The following DISC1 variants were observed in gnomAD, a reference collection of about 807,000 sequenced individuals.
DISC1 encodes the protein DISC1 scaffold protein.
DISC1 carries 57 observed loss-of-function variants against 84.5 expected under a neutral mutation model. The ratio of observed to expected loss-of-function variants is 0.67; its 90% CI spans 0.55 to 0.84. The LOEUF is 0.84. DISC1 is among the 40% of genes least tolerant of loss of function. DISC1 has a pLI of 0.00. For missense variants in DISC1, 1,000 were observed against 1,057.8 expected (o/e 0.95, Z 0.76); for synonymous variants, 411 against 415.2 (o/e 0.99, Z 0.12).
At chr1:232,027,892 A>G (rs916971396) in intron 12 of DISC1, among the ~76,000 whole-genome samples, 2 of 151,632 alleles carry the variant, frequency 1.3e-5, no homozygotes, top group Admixed American at 6.6e-5. Context: ...CTGTGATTTA[A>G]TGATAGAGCC....
rs1659079647 is a variant in DISC1 at position 231,954,570 on chromosome 1, T to C, written c.1982-4258T>C. ...CAGTCCTCTGGTCTTGTTTGTTTCG[T>C]AGCATTTCATTTTGTATTCAGCATT... On this transcript the variant is annotated intron_variant, in intron 9 of 12. Coordinates refer to ENST00000439617, the MANE Select transcript of DISC1 (RefSeq NM_018662.3). This position sits in a 1 kb window ranked among gnomAD's most constrained non-coding sequence, Gnocchi z 4.8. Among the ~76,000 whole-genome samples the C allele has an allele frequency of 1.3e-5, 2 of 152,206 alleles. No individual in the cohort carries two copies. The highest frequency in any genetic ancestry group is 4.8e-5 in the African/African-American group (2 of 41,464).
chr1:231,982,740 GA>G (rs145680002), intron 10 of DISC1, among the ~76,000 whole-genome samples: 2,395 of 152,128 alleles, frequency 0.016, 46 homozygotes, highest in African/African-American at 0.054. Flanking sequence ...ATTGCAGGCA[GA>G]AAAAAACAAA....
At chr1:231,823,652 T>G (rs1382614237) in intron 9 of DISC1, among the ~76,000 whole-genome samples, 1 of 152,196 alleles carries the variant, frequency 6.6e-6, no homozygotes, top group Admixed American at 6.5e-5. Context: ...TTTTACAACT[T>G]TTTATTTTAG....
intron 2 of DISC1, among the ~76,000 whole-genome samples, chr1:231,695,643 G>A (rs553296761): frequency 5.3e-5 from 8 of 151,522 alleles, no homozygotes; most frequent in South Asian, 2.1e-4. Context: ...GTGTGTGCAT[G>A]TTTGTGCTGT....
intron 9 of DISC1, among the ~76,000 whole-genome samples, chr1:231,886,766 C>CTTTCTTTCTTT (rs2086723179): frequency 2.6e-4 from 22 of 84,428 alleles, no homozygotes; most frequent in South Asian, 9.7e-4. Context: ...TTCCTTCCTT[C>CTTTCTTTCTTT]CTTTCTTTCT....
At chr1:231,777,860 T>C (rs1446497576) in intron 6 of DISC1, among the ~76,000 whole-genome samples, 1 of 152,240 alleles carries the variant, frequency 6.6e-6, no homozygotes, top group Admixed American at 6.5e-5. Flanking sequence ...TATGCCCATT[T>C]TGCAGATGAG....
At chr1:231,881,329 C>T (rs980232292) in intron 9 of DISC1, among the ~76,000 whole-genome samples, 7 of 152,160 alleles carry the variant, frequency 4.6e-5, no homozygotes, top group Non-Finnish European at 8.8e-5. Context: ...GAGACCAAGG[C>T]GATGGCAAGA....
In DISC1 at chr1:231,653,611, A is replaced by G. The variant is rs76688353; in HGVS notation, c.67+26677A>G. 3.0e-3 allele frequency among the ~76,000 whole-genome samples: 456 copies of G among 152,284 alleles called. 13 individuals are homozygous for G. The East Asian group carries it at 0.044, about 15-fold the overall frequency. ...AGGAAAGGAAATACATTTGGTGAATACTAGCTAGTCTCTAACAGAGCTTCC... is the reference window on the plus strand; with the variant it reads ...AGGAAAGGAAATACATTTGGTGAATGCTAGCTAGTCTCTAACAGAGCTTCC... On this transcript the variant is annotated intron_variant, in intron 1 of 12. Coordinates refer to ENST00000439617, the MANE Select transcript of DISC1 (RefSeq NM_018662.3).
chr1:231,883,663 G>T (rs1454230585), intron 9 of DISC1, among the ~76,000 whole-genome samples: 1 of 152,190 alleles, frequency 6.6e-6, no homozygotes, highest in African/African-American at 2.4e-5. Context: ...GAGGCCACAG[G>T]CAGGGAGCCT....
chr1:231,664,074 C>CCATT (rs1490485917), intron 1 of DISC1, among the ~76,000 whole-genome samples: 10 of 151,922 alleles, frequency 6.6e-5, no homozygotes, highest in African/African-American at 2.4e-4. Flanking sequence ...ATCCATCCAT[C>CCATT]CATCCGTCTA....
chr1:231,767,019 C>T, intron 4 of DISC1, 121 bp from the exon 5 acceptor site: 1 of 1,295,366 alleles, frequency 7.7e-7, no homozygotes, highest in Non-Finnish European at 1.1e-6. Context: ...CAGGTAAGTA[C>T]CCTCCTAAGT....
intron 8 of DISC1, among the ~76,000 whole-genome samples, chr1:231,812,022 G>A (rs2080349562): frequency 6.6e-6 from 1 of 152,138 alleles, no homozygotes; most frequent in Non-Finnish European, 1.5e-5. Flanking sequence ...AGGAAGAACT[G>A]TTCAAAATGC....
At chr1:232,001,132 GC>G (rs142135203) in intron 10 of DISC1, among the ~76,000 whole-genome samples, 4,935 of 152,194 alleles carry the variant, frequency 0.032, 111 homozygotes, top group Non-Finnish European at 0.047. Flanking sequence ...AGGCTGGAGT[GC>G]AGTGGCGTGA....
intron 2 of DISC1, among the ~76,000 whole-genome samples, chr1:231,697,241 G>T (rs1225141127): frequency 6.6e-6 from 1 of 152,078 alleles, no homozygotes; most frequent in African/African-American, 2.4e-5. Flanking sequence ...GGGCCTTATT[G>T]ATATTATATT....
intron 8 of DISC1, among the ~76,000 whole-genome samples, chr1:231,810,677 G>A (rs78236578): frequency 0.011 from 1,731 of 152,272 alleles, 34 homozygotes; most frequent in African/African-American, 0.04. Flanking sequence ...TTATCAATGC[G>A]GGGAAGCTGG....
chr1:231,873,584 A>G (rs2085626310), intron 9 of DISC1, among the ~76,000 whole-genome samples: 1 of 152,230 alleles, frequency 6.6e-6, no homozygotes, highest in Admixed American at 6.5e-5. Flanking sequence ...AGGAATTGTA[A>G]GGACAAGTTT....
intron 3 of DISC1, among the ~76,000 whole-genome samples, chr1:231,712,318 C>G (rs2067978427): frequency 6.6e-6 from 1 of 152,108 alleles, no homozygotes; most frequent in Admixed American, 6.5e-5. Flanking sequence ...CAGCCACATC[C>G]AATTTATATA....
intron 9 of DISC1, among the ~76,000 whole-genome samples, chr1:231,921,434 A>C (rs981640715): frequency 6.6e-6 from 1 of 152,078 alleles, no homozygotes; most frequent in Non-Finnish European, 1.5e-5. Flanking sequence ...CTTCCTTTTG[A>C]CCTGCCTCTT....
chr1:231,956,708 T>C (rs935742677), intron 9 of DISC1, among the ~76,000 whole-genome samples: 2 of 152,176 alleles, frequency 1.3e-5, no homozygotes, highest in African/African-American at 2.4e-5. Flanking sequence ...AGACAGGGTA[T>C]AGTGGGGGGG....
Sources: allele counts gnomAD v4.1 joint callset (sites outside exome capture counted in the v4.1 genomes callset), GRCh38; gene constraint gnomAD v4.1.1; non-coding constraint Gnocchi (gnomAD v3.1); transcripts MANE v1.5; gene names NCBI Gene and HGNC (gene_info 2026-07-23, HGNC 2026-07-21).